The following VPS52 variants were observed in gnomAD, a reference collection of about 807,000 sequenced individuals.
The protein encoded by VPS52 is VPS52 subunit of GARP complex.
A neutral mutation model predicts 98.7 loss-of-function variants in VPS52; 56 were observed. The observed-to-expected ratio is 0.57, with a 90% CI of 0.46 to 0.71. The LOEUF (loss-of-function observed/expected upper bound fraction) is 0.71, where lower values mean the gene tolerates loss of function less well. Ranked by LOEUF, VPS52 falls within the 30% of genes least tolerant of loss-of-function variation. The pLI is 0.00. For missense variants in VPS52, 742 were observed against 925.9 expected (o/e 0.80, Z 2.58); for synonymous variants, 348 against 346.4 (o/e 1.00, Z -0.05).
chr6:33,265,403 G>A (rs1480623250), intron 12 of VPS52, among the ~76,000 whole-genome samples: 1 of 152,012 alleles, frequency 6.6e-6, no homozygotes, highest in Non-Finnish European at 1.5e-5. Context: ...AGGTTGTTTT[G>A]TCACCTAGGC....
chr6:33,261,778 C>A (rs983542904), intron 17 of VPS52, among the ~76,000 whole-genome samples: 1 of 151,956 alleles, frequency 6.6e-6, no homozygotes, highest in Non-Finnish European at 1.5e-5. Flanking sequence ...CGGTGGCTCA[C>A]GCCTGTAATC....
At chr6:33,258,553 G>A (rs1160923957) in intron 17 of VPS52, among the ~76,000 whole-genome samples, 1 of 151,294 alleles carries the variant, frequency 6.6e-6, no homozygotes, top group East Asian at 1.9e-4. Flanking sequence ...ATGATGCAAA[G>A]AACTCTTATA....
intron 17 of VPS52, among the ~76,000 whole-genome samples, chr6:33,255,170 T>C (rs904992186): frequency 6.6e-6 from 1 of 152,158 alleles, no homozygotes; most frequent in Non-Finnish European, 1.5e-5. Context: ...TTAAGCTTTC[T>C]ATAACGCAAA....
Position 33,251,877 on chromosome 6 carries a change from C to CG in VPS52, c.1888dup (p.Arg630ProfsTer18), listed in dbSNP as rs760524050. 5.0e-6 allele frequency: 8 copies of CG among 1,613,418 alleles called. No individual in the cohort carries two copies. Among genetic ancestry groups the CG allele is most frequent in the Non-Finnish European group, 5.9e-6 (7 of 1,180,048 alleles). ...CCTCATACCTTCTTCCCCTCGAAGT[C>CG]GCTCAGCCTGTCCACGCTCAATCAA... On this transcript the variant is annotated frameshift_variant, in exon 18 of 20. Transcript: ENST00000445902. LOFTEE classifies it high-confidence loss of function.
At position 33,264,397 on chromosome 6, in the gene VPS52, C is replaced by G. The variant is rs1727249836; in HGVS notation, c.1501G>C (p.Gly501Arg). 6.2e-7 allele frequency: 1 copy of G among 1,614,220 alleles called. No homozygotes were observed. The highest frequency in any genetic ancestry group is 8.5e-7 in the Non-Finnish European group (1 of 1,180,036). ...VRSTDPQRLG[G>R]LDTRPHYITR... ...ACATAGTGGGGCCGAGTATCCAACC[C>G]CCCTAGGCGCTGGGGGTCAGTGCTT... Residue 501 changes from glycine to arginine, a missense_variant, in exon 14 of 20, where the codon GGG (glycine) becomes CGG (arginine). Coordinates refer to ENST00000445902, the MANE Select transcript of VPS52 (RefSeq NM_022553.6).
At chr6:33,259,202 T>C (rs760057051) in intron 17 of VPS52, among the ~76,000 whole-genome samples, 4 of 152,226 alleles carry the variant, frequency 2.6e-5, no homozygotes, top group Non-Finnish European at 4.4e-5. Context: ...TAACTGACAT[T>C]GTGGACTTCC....
chr6:33,256,183 C>G (rs1037844231), intron 17 of VPS52, among the ~76,000 whole-genome samples: 1 of 151,946 alleles, frequency 6.6e-6, no homozygotes, highest in African/African-American at 2.4e-5. Context: ...AAAAGGTTAT[C>G]AAAAGACATT....
rs1472702252 is a variant in VPS52, at chr6:33,268,659, A to C, written c.549-10T>G. The C allele has an allele frequency of 1.3e-6, 2 of 1,593,142 alleles. No homozygotes were observed. The highest frequency in any genetic ancestry group is 1.7e-6 in the Non-Finnish European group (2 of 1,174,222). On this transcript the variant is annotated splice_polypyrimidine_tract_variant and intron_variant, in intron 6 of 19. Coordinates refer to ENST00000445902, the MANE Select transcript of VPS52 (RefSeq NM_022553.6). The surrounding 1 kb of genome is among the most constrained non-coding windows in gnomAD (Gnocchi z 4.0). ...AGCCTCCAGAATTGCCCTGGTTAGC[A>C]GGGAGGGGTGGGATGAGTTACAAGG...
chr6:33,267,880 C>T lies in VPS52; in HGVS notation c.918G>A (p.Arg306=). 1 of 1,613,066 alleles carries T rather than the reference C, an allele frequency of 6.2e-7. No individual in the cohort carries two copies. Among genetic ancestry groups the T allele is most frequent in the Non-Finnish European group, 8.5e-7 (1 of 1,180,034 alleles). ...YLSYYRSYLG[R]LMKVQYEEVA... ...CTGACCTTACCTGCACCTTCATGAGCCGCCCCAGGTAAGAGCGGTAGTAAG... is the reference window on the plus strand; with the variant it reads ...CTGACCTTACCTGCACCTTCATGAGTCGCCCCAGGTAAGAGCGGTAGTAAG... The change falls in exon 9 of 20, where the codon CGG becomes CGA. Residue 306 remains arginine (R), a synonymous_variant. Transcript: ENST00000445902. The surrounding 1 kb of genome is among the most constrained non-coding windows in gnomAD (Gnocchi z 4.2).
At position 33,261,401 on chromosome 6, in the gene VPS52, A is replaced by G. The variant is rs1763619463; in HGVS notation, c.1794+2083T>C. ...AGAATCACTTGAACCAAGGAGGCAG[A>G]GGTTGCAGTGAGCCAATACTGCACC... On this transcript the variant is annotated intron_variant, in intron 17 of 19. Coordinates refer to ENST00000445902, the MANE Select transcript of VPS52 (RefSeq NM_022553.6). Among the ~76,000 whole-genome samples, 3 of 151,888 alleles carry G rather than the reference A, an allele frequency of 2.0e-5. No individual in the cohort carries two copies. In the South Asian group the frequency reaches 6.2e-4, roughly 32 times the overall value.
At chr6:33,271,940 G>A (rs1765156280), upstream of VPS52, 2 of 1,044,882 alleles carry the variant, frequency 1.9e-6, no homozygotes, top group Admixed American at 2.5e-5. Context: ...AAGGCGCACC[G>A]GAAGTTGTGG....
rs1358607641 is a variant in VPS52 at position 33,263,477 on chromosome 6, C to T, written c.1794+7G>A. The T allele has an allele frequency of 5.0e-6, 8 of 1,613,440 alleles. No individual in the cohort carries two copies. In the Admixed American group the frequency reaches 6.7e-5, roughly 13 times the overall value. ...GGCTGTCTCTTCCCTTTTCCCCACA[C>T]CCCTACCTGTGTCCGAGCATTGAGC... On this transcript the variant is annotated splice_region_variant and intron_variant, in intron 17 of 19. Coordinates refer to ENST00000445902, the MANE Select transcript of VPS52 (RefSeq NM_022553.6).
Position 33,268,724 on chromosome 6 carries a change from C to T in VPS52, c.549-75G>A, listed in dbSNP as rs1764637680. On this transcript the variant is annotated intron_variant, in intron 6 of 19. Coordinates refer to ENST00000445902, the MANE Select transcript of VPS52 (RefSeq NM_022553.6). The surrounding 1 kb of genome is among the most constrained non-coding windows in gnomAD (Gnocchi z 4.0). ...CCTAAACCAGACCCAGACCACACTCCTTACCTCCAGCCCCTGTCATCTCTA... is the reference window on the plus strand; with the variant it reads ...CCTAAACCAGACCCAGACCACACTCTTTACCTCCAGCCCCTGTCATCTCTA... 1 of 1,487,440 alleles carries T rather than the reference C, an allele frequency of 6.7e-7. No individual in the cohort carries two copies. The highest frequency in any genetic ancestry group is 1.4e-5 in the African/African-American group (1 of 71,446). The allele number at this position is 1,487,440 out of a possible 1,614,324, so 92.1% of individuals were successfully genotyped here. A position where few individuals can be genotyped will look rare whatever the true frequency, so the allele number is the denominator to read the frequency against.
In VPS52 at chr6:33,263,556, G is replaced by A; in HGVS notation, c.1729-7C>T. 6.2e-7 allele frequency: 1 copy of A among 1,614,104 alleles called. No individual in the cohort carries two copies. Among genetic ancestry groups the A allele is most frequent in the Non-Finnish European group, 8.5e-7 (1 of 1,180,014 alleles). On this transcript the variant is annotated splice_polypyrimidine_tract_variant and splice_region_variant and intron_variant, in intron 16 of 19. Coordinates refer to ENST00000445902, the MANE Select transcript of VPS52 (RefSeq NM_022553.6). ...TGTCATCTGCAGCCCGCTCCTAAGG[G>A]AAGACAAAGGGAAATGTCTAGTTTG...
rs1220655948 is a variant in VPS52, at chr6:33,267,489, C to T, written c.992-168G>A. 5 of 1,244,452 alleles carry T rather than the reference C, an allele frequency of 4.0e-6. No individual in the cohort carries two copies. The African/African-American group carries it at 7.6e-5, about 19-fold the overall frequency. The allele number at this position is 1,244,452 out of a possible 1,614,324, so 77.1% of individuals were successfully genotyped here. ...ATGGGCTTCAGGGTGTCTCTCCCTC[C>T]CTTGCAATCATATGCAAAACTATGT... On this transcript the variant is annotated intron_variant, in intron 10 of 19. Coordinates refer to ENST00000445902, the MANE Select transcript of VPS52 (RefSeq NM_022553.6). The surrounding 1 kb of genome is among the most constrained non-coding windows in gnomAD (Gnocchi z 4.2).
intron 17 of VPS52, among the ~76,000 whole-genome samples, chr6:33,258,687 G>A (rs763779083): frequency 1.3e-5 from 2 of 151,986 alleles, no homozygotes; most frequent in Non-Finnish European, 2.9e-5. Context: ...CAGGTTCAGC[G>A]CCCCTGAGGA....
intron 17 of VPS52, among the ~76,000 whole-genome samples, chr6:33,256,917 A>AT (rs1212804811): frequency 3.3e-5 from 5 of 152,124 alleles, no homozygotes; most frequent in East Asian, 1.9e-4. Flanking sequence ...AACCATCCAC[A>AT]TAAAAAAAAG....
chr6:33,264,966 G>A (rs1166216461), intron 12 of VPS52, 66 bp from the exon 13 acceptor site: 6 of 1,367,536 alleles, frequency 4.4e-6, no homozygotes, highest in Non-Finnish European at 6.3e-6. Flanking sequence ...CAGTGACTAT[G>A]AACAAACGCA....
chr6:33,268,294 C>A lies in VPS52; in HGVS notation c.700-86G>T. ...ACTGGGGGAAGCAACAAATGGTAAACATAGGCAGAAGGGTGGTGAATATCT... is the reference window on the plus strand; with the variant it reads ...ACTGGGGGAAGCAACAAATGGTAAAAATAGGCAGAAGGGTGGTGAATATCT... On this transcript the variant is annotated intron_variant, in intron 7 of 19. Coordinates refer to ENST00000445902, the MANE Select transcript of VPS52 (RefSeq NM_022553.6). The surrounding 1 kb of genome is among the most constrained non-coding windows in gnomAD (Gnocchi z 4.0). 2 of 1,438,906 alleles carry A rather than the reference C, an allele frequency of 1.4e-6. No individual in the cohort carries two copies. Among genetic ancestry groups the A allele is most frequent in the South Asian group, 2.3e-5 (2 of 85,914 alleles). The allele number at this position is 1,438,906 out of a possible 1,614,324, so 89.1% of individuals were successfully genotyped here.
Sources: allele counts gnomAD v4.1 joint callset (sites outside exome capture counted in the v4.1 genomes callset), GRCh38; gene constraint gnomAD v4.1.1; non-coding constraint Gnocchi (gnomAD v3.1); transcripts MANE v1.5; gene names NCBI Gene and HGNC (gene_info 2026-07-23, HGNC 2026-07-21).